Variants in ASTN2 observed in about 807,000 individuals in gnomAD.
ASTN2 encodes the protein astrotactin-2.
Under a neutral mutation model 139.8 loss-of-function variants are expected in ASTN2, and 54 were observed. The ratio of observed to expected loss-of-function variants is 0.39; its 90% CI spans 0.31 to 0.48. The LOEUF (loss-of-function observed/expected upper bound fraction) is 0.48, where lower values mean the gene tolerates loss of function less well. Ranked by LOEUF, ASTN2 falls within the 20% of genes least tolerant of loss-of-function variation. ASTN2 has a pLI of 0.95. For synonymous variants in ASTN2, 756 were observed against 719.5 expected, an observed-to-expected ratio of 1.05 and a Z score of -0.81; for missense variants, 1,565 against 1,725.1, an observed-to-expected ratio of 0.91 and a Z score of 1.64.
chr9:116,635,554 G>A (rs1034023327), intron 17 of ASTN2, among the ~76,000 whole-genome samples: 4 of 152,088 alleles, frequency 2.6e-5, no homozygotes, highest in African/African-American at 9.7e-5. Context: ...TATTCAAAAT[G>A]AGTACCTGCA....
chr9:116,866,678 G>A (rs1427410138), intron 10 of ASTN2, among the ~76,000 whole-genome samples: 3 of 151,956 alleles, frequency 2.0e-5, no homozygotes, highest in Non-Finnish European at 4.4e-5. Flanking sequence ...AGGCCTAGAT[G>A]GGCTAGGTCA....
At chr9:117,307,646 A>G (rs1329728742) in intron 1 of ASTN2, among the ~76,000 whole-genome samples, 1 of 152,194 alleles carries the variant, frequency 6.6e-6, no homozygotes, top group Non-Finnish European at 1.5e-5. Flanking sequence ...CTGGTTCTTT[A>G]CACAGGTAGG....
At chr9:117,105,203 A>G (rs2132772393) in intron 4 of ASTN2, among the ~76,000 whole-genome samples, 1 of 152,294 alleles carries the variant, frequency 6.6e-6, no homozygotes, top group East Asian at 1.9e-4. Flanking sequence ...AATCTACAGA[A>G]TGCAGAGGAA....
intron 4 of ASTN2, among the ~76,000 whole-genome samples, chr9:117,130,696 A>G (rs971552107): frequency 5.9e-5 from 9 of 152,248 alleles, no homozygotes; most frequent in African/African-American, 2.2e-4. Context: ...AGTTTACTAC[A>G]TGACTTGCCT....
In ASTN2 at chr9:117,058,226, C is replaced by T. The variant is rs967723720; in HGVS notation, c.1277-18261G>A. Among the ~76,000 whole-genome samples the T allele has an allele frequency of 2.0e-5, 3 of 152,080 alleles. 1 individual carries two copies. The highest frequency in any genetic ancestry group is 4.4e-5 in the Non-Finnish European group (3 of 68,008). ...TGAATGAATGGACAGAGGCTTTAAC[C>T]AATTCCTTATTTGAGAAAAAGGGAA... On this transcript the variant is annotated intron_variant, in intron 5 of 22. Coordinates refer to ENST00000313400, the MANE Select transcript of ASTN2 (RefSeq NM_001365068.1).
chr9:117,385,023 C>G (rs1011410873), intron 1 of ASTN2, among the ~76,000 whole-genome samples: 3 of 152,124 alleles, frequency 2.0e-5, no homozygotes, highest in Non-Finnish European at 2.9e-5. Flanking sequence ...TTCCAGTGTA[C>G]TGAGTACCCA....
intron 1 of ASTN2, among the ~76,000 whole-genome samples, chr9:117,313,465 C>T (rs1828040530): frequency 6.6e-6 from 1 of 152,116 alleles, no homozygotes; most frequent in South Asian, 2.1e-4. Flanking sequence ...AGGAACATGA[C>T]AGAGAGGTGG....
chr9:117,319,843 C>T (rs1359635106), intron 1 of ASTN2, among the ~76,000 whole-genome samples: 9 of 152,104 alleles, frequency 5.9e-5, no homozygotes, highest in Non-Finnish European at 1.0e-4. Context: ...CACATGAAGG[C>T]GGTAATTCCC....
intron 5 of ASTN2, among the ~76,000 whole-genome samples, chr9:117,045,317 AG>A (rs1838701724): frequency 9.4e-6 from 1 of 106,330 alleles, no homozygotes; most frequent in Admixed American, 9.4e-5. Flanking sequence ...ATATTGCCTG[AG>A]TATTTTTTTT....
intron 10 of ASTN2, among the ~76,000 whole-genome samples, chr9:116,930,715 A>T (rs1452230889): frequency 6.6e-6 from 1 of 152,142 alleles, no homozygotes; most frequent in East Asian, 1.9e-4. Flanking sequence ...GATTTGACTA[A>T]TAAATATTTA....
At chr9:116,657,375 A>G (rs925118852) in intron 16 of ASTN2, among the ~76,000 whole-genome samples, 1 of 152,252 alleles carries the variant, frequency 6.6e-6, no homozygotes, top group Non-Finnish European at 1.5e-5. Context: ...TGTAGTTGTC[A>G]TAATTACATT....
chr9:117,269,231 G>T (rs182983703), intron 2 of ASTN2, among the ~76,000 whole-genome samples: 2 of 152,234 alleles, frequency 1.3e-5, no homozygotes, highest in Non-Finnish European at 2.9e-5. Context: ...GTGGCATGGG[G>T]TGTAATGTAT....
At chr9:116,702,691 A>G (rs1310443973) in intron 16 of ASTN2, among the ~76,000 whole-genome samples, 1 of 152,204 alleles carries the variant, frequency 6.6e-6, no homozygotes, top group African/African-American at 2.4e-5. Flanking sequence ...TACTCAGACA[A>G]GCCCTTTTAT....
chr9:116,607,212 C>T (rs1292464796), intron 19 of ASTN2, among the ~76,000 whole-genome samples: 1 of 152,158 alleles, frequency 6.6e-6, no homozygotes, highest in Non-Finnish European at 1.5e-5. Context: ...AAAGTTAAGA[C>T]ATGAATGTGT....
chr9:117,365,273 CAGAA>C (rs752988779), intron 1 of ASTN2, among the ~76,000 whole-genome samples: 182 of 117,150 alleles, frequency 1.6e-3, no homozygotes, highest in African/African-American at 5.4e-3. Context: ...GAAAAAAAGA[CAGAA>C]AGAAAGAAAG....
chr9:116,440,567 C>A (rs1356522379), intron 22 of ASTN2, 42 bp downstream of exon 22: 2 of 1,592,406 alleles, frequency 1.3e-6, no homozygotes, highest in East Asian at 4.5e-5. Flanking sequence ...CAACTGGAGG[C>A]AAAAAGAATA....
intron 16 of ASTN2, among the ~76,000 whole-genome samples, chr9:116,710,179 C>T (rs369467962): frequency 3.9e-5 from 6 of 152,166 alleles, no homozygotes; most frequent in African/African-American, 1.2e-4. Flanking sequence ...CCCTACACCC[C>T]TCACCTCCCA....
chr9:116,567,320 A>T (rs1853285038), intron 19 of ASTN2, among the ~76,000 whole-genome samples: 1 of 152,190 alleles, frequency 6.6e-6, no homozygotes, highest in Non-Finnish European at 1.5e-5. Flanking sequence ...CACCTCTGTG[A>T]GGCTGCAAGC....
chr9:116,826,037 C>T (rs758181317), intron 11 of ASTN2, among the ~76,000 whole-genome samples: 10 of 152,214 alleles, frequency 6.6e-5, no homozygotes, highest in Non-Finnish European at 1.5e-4. Context: ...GTACTTCCCA[C>T]AGCTTCTTGC....
Sources: gnomAD v4.1 joint callset for allele counts (sites outside exome capture counted in the v4.1 genomes callset) on GRCh38, gnomAD v4.1.1 for gene constraint, MANE v1.5 for transcripts, NCBI Gene and HGNC (gene_info 2026-07-23, HGNC 2026-07-21) for gene names.